PREX1: variants seen among roughly 807,000 people sequenced by gnomAD.
PREX1 encodes phosphatidylinositol 3,4,5-trisphosphate-dependent Rac exchanger 1 protein.
Under a neutral mutation model 198.3 loss-of-function variants are expected in PREX1, and 41 were observed. The ratio of observed to expected loss-of-function variants is 0.21; its 90% CI spans 0.16 to 0.27. PREX1 has a LOEUF of 0.27. Ranked by LOEUF, PREX1 falls within the 10% of genes least tolerant of loss-of-function variation. PREX1 has a pLI of 1.00. For synonymous variants in PREX1, 843 were observed against 887.2 expected, an observed-to-expected ratio of 0.95 and a Z score of 0.89; for missense variants, 1,620 against 2,200.7, an observed-to-expected ratio of 0.74 and a Z score of 5.28.
chr20:48,656,878 CTG>C (rs1236280868), intron 18 of PREX1, among the ~76,000 whole-genome samples, 160 bp downstream of exon 18: 4 of 152,218 alleles, frequency 2.6e-5, no homozygotes, highest in African/African-American at 9.7e-5. Flanking sequence ...GAGTGGCACT[CTG>C]TAAACATCTG....
At chr20:48,664,776 G>T (rs1403272721) in intron 15 of PREX1, among the ~76,000 whole-genome samples, 1 of 151,906 alleles carries the variant, frequency 6.6e-6, no homozygotes, top group Non-Finnish European at 1.5e-5. Context: ...CAGACGGCCT[G>T]AATTCTAATC....
the PREX1 span, among the ~76,000 whole-genome samples, chr20:48,879,672 C>T: frequency 6.6e-6 from 1 of 152,162 alleles, no homozygotes; most frequent in Non-Finnish European, 1.5e-5. Flanking sequence ...ATCAACAGCT[C>T]CATGAAATAA....
At chr20:48,862,807 A>ATATG in the PREX1 span, among the ~76,000 whole-genome samples, 2 of 126,712 alleles carry the variant, frequency 1.6e-5, no homozygotes, top group Admixed American at 7.9e-5. Context: ...ATATATATAT[A>ATATG]TATATACTAA....
chr20:48,790,119 C>A (rs368683240), intron 1 of PREX1, among the ~76,000 whole-genome samples: 1 of 152,166 alleles, frequency 6.6e-6, no homozygotes. Context: ...GGGCATGTGA[C>A]AAAACCTCTC....
chr20:48,811,043 T>C (rs1016960257), intron 1 of PREX1, among the ~76,000 whole-genome samples: 28 of 152,210 alleles, frequency 1.8e-4, no homozygotes, highest in Admixed American at 1.6e-3. Context: ...AAGGGGCAGC[T>C]GCTCTTCAGG....
intron 5 of PREX1, among the ~76,000 whole-genome samples, chr20:48,714,874 A>C (rs1027728158): frequency 1.8e-4 from 27 of 152,216 alleles, no homozygotes; most frequent in Non-Finnish European, 2.1e-4. Flanking sequence ...GAGGGAGTGC[A>C]CAGATATGGA....
intron 5 of PREX1, among the ~76,000 whole-genome samples, chr20:48,722,260 G>A (rs928042658): frequency 9.2e-5 from 14 of 152,192 alleles, no homozygotes; most frequent in African/African-American, 2.4e-4. Flanking sequence ...GCCACACAAC[G>A]GAAGATGATT....
intron 15 of PREX1, among the ~76,000 whole-genome samples, chr20:48,660,492 A>T (rs567653532): frequency 2.0e-5 from 3 of 152,196 alleles, no homozygotes; most frequent in Non-Finnish European, 4.4e-5. Context: ...GGGGGGAAAA[A>T]AATTGAATCC....
At chr20:48,649,906 G>T in intron 24 of PREX1, 90 bp downstream of exon 24, 1 of 1,452,272 alleles carries the variant, frequency 6.9e-7, no homozygotes, top group Non-Finnish European at 9.6e-7. Context: ...CGCCATTCCA[G>T]CCCTGGACGG....
intron 1 of PREX1, among the ~76,000 whole-genome samples, chr20:48,798,076 A>G (rs957936998): frequency 2.0e-5 from 3 of 152,184 alleles, no homozygotes; most frequent in South Asian, 4.1e-4. Context: ...TGCCTTTTGC[A>G]TGAACTCACT....
At chr20:48,883,441 G>C in the PREX1 span, among the ~76,000 whole-genome samples, 1 of 152,138 alleles carries the variant, frequency 6.6e-6, no homozygotes, top group Non-Finnish European at 1.5e-5. Context: ...AGTTTAGAAA[G>C]GAAGACATAA....
chr20:48,720,936 G>A (rs2089982401), intron 5 of PREX1, among the ~76,000 whole-genome samples: 2 of 152,122 alleles, frequency 1.3e-5, no homozygotes, highest in Admixed American at 6.5e-5. Context: ...ACCCAAGGCT[G>A]TACCCCAAGC....
At chr20:48,857,596 C>T in the PREX1 span, among the ~76,000 whole-genome samples, 1 of 151,998 alleles carries the variant, frequency 6.6e-6, no homozygotes, top group Non-Finnish European at 1.5e-5. Flanking sequence ...GCGAAACCCT[C>T]GCCTCATCTT....
Position 48,726,411 on chromosome 20 carries a change from C to T in PREX1, c.520-20G>A, listed in dbSNP as rs6095259. The T allele has an allele frequency of 6.3e-7, 1 of 1,582,568 alleles. No individual in the cohort carries two copies. The highest frequency in any genetic ancestry group is 8.7e-7 in the Non-Finnish European group (1 of 1,154,548). ...GCAGCTCTGCAAAGGGACAGGAGACCTTCATGAAACCCACCAAGGATAGCA... is the reference window on the plus strand; with the variant it reads ...GCAGCTCTGCAAAGGGACAGGAGACTTTCATGAAACCCACCAAGGATAGCA... On this transcript the variant is annotated intron_variant, in intron 4 of 39. Coordinates refer to ENST00000371941, the MANE Select transcript of PREX1 (RefSeq NM_020820.4).
intron 32 of PREX1, among the ~76,000 whole-genome samples, chr20:48,635,920 AGTGATGGCCAATCT>A (rs1434759450): frequency 1.3e-5 from 2 of 152,198 alleles, no homozygotes; most frequent in African/African-American, 4.8e-5. Context: ...CTGAGAATCA[AGTGATGGCCAATCT>A]GTGCCAGGCA....
rs1253044288 is a variant in PREX1 at position 48,666,663 on chromosome 20, C to T, written c.1666-308G>A. ...GCCTCAGCCTCCCGAGTAGCTGGGA[C>T]TACAGGCACCTGCCACCACGCCCGG... On this transcript the variant is annotated intron_variant, in intron 14 of 39. Coordinates refer to ENST00000371941, the MANE Select transcript of PREX1 (RefSeq NM_020820.4). The surrounding 1 kb of genome is among the most constrained non-coding windows in gnomAD (Gnocchi z 4.3). Among the ~76,000 whole-genome samples, 1 of 152,072 alleles carries T rather than the reference C, an allele frequency of 6.6e-6. No individual in the cohort carries two copies. Among genetic ancestry groups the T allele is most frequent in the African/African-American group, 2.4e-5 (1 of 41,374 alleles).
At chr20:48,833,195 T>C in the PREX1 span, among the ~76,000 whole-genome samples, 1 of 152,186 alleles carries the variant, frequency 6.6e-6, no homozygotes, top group African/African-American at 2.4e-5. Flanking sequence ...GGATGGGTGT[T>C]TGCTATTGTA....
At position 48,700,885 on chromosome 20, in the gene PREX1, C is replaced by T; in HGVS notation, c.785G>A (p.Gly262Asp). Residue 262 changes from glycine to aspartate, a missense_variant and splice_region_variant, in exon 7 of 40, where the codon GGT (glycine) becomes GAT (aspartate). Transcript: ENST00000371941. Reference protein sequence around the residue: ...QLQSHIEGWEGSNLTDICTQL... With the variant: ...QLQSHIEGWEDSNLTDICTQL... ...AGTGCAGATGTCTGTGAGGTTGGAA[C>T]CCTGGAAGCGCAATGAGGACACAGT... 6.2e-7 allele frequency: 1 copy of T among 1,614,142 alleles called. No individual in the cohort carries two copies. The highest frequency in any genetic ancestry group is 8.5e-7 in the Non-Finnish European group (1 of 1,180,010).
At chr20:48,653,750 T>C (rs1054188766) in intron 19 of PREX1, among the ~76,000 whole-genome samples, 1 of 152,222 alleles carries the variant, frequency 6.6e-6, no homozygotes, top group Admixed American at 6.5e-5. Context: ...CGGGATCCGA[T>C]TCAGGCCCGT....
Sources: gnomAD v4.1 joint callset for allele counts (sites outside exome capture counted in the v4.1 genomes callset) on GRCh38, gnomAD v4.1.1 for gene constraint, Gnocchi (gnomAD v3.1) non-coding constraint, MANE v1.5 for transcripts, NCBI Gene and HGNC (gene_info 2026-07-23, HGNC 2026-07-21) for gene names.